Variants in CADM2 observed in about 807,000 individuals in gnomAD.
The protein encoded by CADM2 is cell adhesion molecule 2, also known as immunoglobulin superfamily member 4D.
Under a neutral mutation model 49.8 loss-of-function variants are expected in CADM2, and 12 were observed. The observed-to-expected ratio is 0.24, with a 90% CI of 0.15 to 0.39. The LOEUF (loss-of-function observed/expected upper bound fraction) is 0.39, where lower values mean the gene tolerates loss of function less well. Among genes scored for constraint, CADM2 ranks in the 10% least tolerant of loss-of-function variants. The pLI is 1.00. For synonymous variants in CADM2, 214 were observed against 175.4 expected (o/e 1.22, Z -1.74); for missense variants, 378 against 492.3 (o/e 0.77, Z 2.20).
intron 1 of CADM2, among the ~76,000 whole-genome samples, chr3:85,205,090 T>G (rs1173420028): frequency 1.3e-5 from 2 of 151,402 alleles, no homozygotes; most frequent in African/African-American, 4.9e-5. Context: ...TAATCGTGGC[T>G]CACTGCAGCC....
chr3:85,360,601 A>G (rs2032285798), intron 1 of CADM2, among the ~76,000 whole-genome samples: 1 of 152,200 alleles, frequency 6.6e-6, no homozygotes, highest in Non-Finnish European at 1.5e-5. Context: ...GTTTAGTGCC[A>G]TCGTTTAGAG....
chr3:85,033,499 G>A lies in CADM2; in HGVS notation c.61+73831G>A, dbSNP rs140289006. 3.2e-4 allele frequency among the ~76,000 whole-genome samples: 48 copies of A among 152,204 alleles called. No individual in the cohort carries two copies. The East Asian group carries it at 5.0e-3, about 16-fold the overall frequency. On this transcript the variant is annotated intron_variant, in intron 1 of 9. Transcript: ENST00000383699. ...CTGTAGCCACTCACAAACATGTTTGGCATAAAATCTGTTATTCCTTATTCC... is the reference window on the plus strand; with the variant it reads ...CTGTAGCCACTCACAAACATGTTTGACATAAAATCTGTTATTCCTTATTCC...
At chr3:85,152,963 C>CAAA (rs61549751) in intron 1 of CADM2, among the ~76,000 whole-genome samples, 22 of 80,544 alleles carry the variant, frequency 2.7e-4, no homozygotes, top group Admixed American at 4.3e-4. Flanking sequence ...GACTCCATCT[C>CAAA]AAAAAAAAAA....
intron 1 of CADM2, among the ~76,000 whole-genome samples, chr3:85,666,719 A>T (rs1435075492): frequency 1.3e-5 from 2 of 151,576 alleles, no homozygotes; most frequent in African/African-American, 4.8e-5. Context: ...TCGATATGGG[A>T]CTGAACAACT....
intron 1 of CADM2, among the ~76,000 whole-genome samples, chr3:85,311,971 G>C (rs2044356090): frequency 6.6e-6 from 1 of 152,174 alleles, no homozygotes; most frequent in Admixed American, 6.5e-5. Context: ...TACTCAATCA[G>C]TGTAGGTACC....
intron 1 of CADM2, among the ~76,000 whole-genome samples, chr3:85,186,189 G>A (rs893480429): frequency 1.3e-5 from 2 of 152,080 alleles, no homozygotes; most frequent in East Asian, 1.9e-4. Context: ...CATTATGAAC[G>A]TTATTTTCTT....
intron 6 of CADM2, among the ~76,000 whole-genome samples, chr3:85,913,259 AG>A (rs1717859753): frequency 6.6e-6 from 1 of 152,192 alleles, no homozygotes; most frequent in East Asian, 1.9e-4. Flanking sequence ...GTACCTAGCA[AG>A]GTTTTAGTAG....
chr3:85,117,465 G>A (rs772486074), intron 1 of CADM2, among the ~76,000 whole-genome samples: 1 of 152,068 alleles, frequency 6.6e-6, no homozygotes, highest in Non-Finnish European at 1.5e-5. Context: ...AAAGAGCAAT[G>A]TCATGAGCCA....
At chr3:85,239,993 ATAGT>A in intron 1 of CADM2, among the ~76,000 whole-genome samples, 1 of 151,608 alleles carries the variant, frequency 6.6e-6, no homozygotes, top group Middle Eastern at 3.5e-3. Flanking sequence ...AAGTATCTTT[ATAGT>A]AAGAATGAAT....
rs748896113 is a variant in CADM2, at chr3:85,446,456, A to AT, written c.62-280063dup. ...TTCAGAAAATCTGTCTTGTAGCACC[A>AT]TTTAACCACTGACTCTTGCAGAAAT... On this transcript the variant is annotated intron_variant, in intron 1 of 9. Transcript: ENST00000383699. Among the ~76,000 whole-genome samples the AT allele has an allele frequency of 9.2e-4, 140 of 152,264 alleles. 1 individual carries two copies. Among genetic ancestry groups the AT allele is most frequent in the Non-Finnish European group, 9.6e-4 (65 of 68,020 alleles).
intron 1 of CADM2, among the ~76,000 whole-genome samples, chr3:85,028,434 C>G (rs1036492139): frequency 1.3e-5 from 2 of 151,950 alleles, no homozygotes; most frequent in Non-Finnish European, 2.9e-5. Context: ...ATAAACCATG[C>G]TATTTAGAAA....
intron 2 of CADM2, among the ~76,000 whole-genome samples, chr3:85,743,834 A>G (rs2068496182): frequency 6.6e-6 from 1 of 152,174 alleles, no homozygotes; most frequent in Non-Finnish European, 1.5e-5. Flanking sequence ...AAGAAAAGAG[A>G]CATTGTAAGT....
intron 1 of CADM2, among the ~76,000 whole-genome samples, chr3:84,992,620 T>C (rs1269775554): frequency 6.6e-6 from 1 of 152,092 alleles, no homozygotes; most frequent in Non-Finnish European, 1.5e-5. Context: ...AGAGTGAGAC[T>C]CCTTCTCAAC....
At chr3:86,043,957 G>C (rs935230603) in intron 8 of CADM2, among the ~76,000 whole-genome samples, 2 of 152,116 alleles carry the variant, frequency 1.3e-5, no homozygotes, top group East Asian at 3.9e-4. Flanking sequence ...ACAAGAAATG[G>C]GGAAACGGTT....
chr3:85,802,877 G>T (rs1004732957), intron 3 of CADM2, among the ~76,000 whole-genome samples: 1 of 152,024 alleles, frequency 6.6e-6, no homozygotes, highest in Non-Finnish European at 1.5e-5. Context: ...AGATGAAAAA[G>T]TGAATCCATA....
chr3:85,893,543 A>T (rs1447892169), intron 5 of CADM2, among the ~76,000 whole-genome samples: 1 of 152,206 alleles, frequency 6.6e-6, no homozygotes, highest in African/African-American at 2.4e-5. Context: ...AGAAACTACC[A>T]TCAGAGTGAA....
chr3:85,747,028 G>A (rs1366876376), intron 2 of CADM2, among the ~76,000 whole-genome samples: 1 of 151,972 alleles, frequency 6.6e-6, no homozygotes, highest in Non-Finnish European at 1.5e-5. Flanking sequence ...GGTAAAACAG[G>A]ATGAAGAGAA....
At chr3:85,235,685 T>A (rs2042392604) in intron 1 of CADM2, among the ~76,000 whole-genome samples, 1 of 152,164 alleles carries the variant, frequency 6.6e-6, no homozygotes, top group African/African-American at 2.4e-5. Flanking sequence ...GTATATAGTA[T>A]TTTGAAGTGT....
intron 1 of CADM2, among the ~76,000 whole-genome samples, chr3:85,237,782 G>A (rs2107828457): frequency 6.6e-6 from 1 of 151,670 alleles, no homozygotes; most frequent in African/African-American, 2.4e-5. Flanking sequence ...TACATTACTA[G>A]TTCAAGATAC....
Sources: allele counts gnomAD v4.1 joint callset (sites outside exome capture counted in the v4.1 genomes callset), GRCh38; gene constraint gnomAD v4.1.1; transcripts MANE v1.5; gene names NCBI Gene and HGNC (gene_info 2026-07-23, HGNC 2026-07-21).